Variants in ERBB4 observed in about 807,000 individuals in gnomAD.
The protein encoded by ERBB4 is erb-b2 receptor tyrosine kinase 4.
ERBB4 carries 42 observed loss-of-function variants against 158.0 expected under a neutral mutation model. That is an observed-to-expected ratio of 0.27 (90% CI 0.21 to 0.34). The LOEUF (loss-of-function observed/expected upper bound fraction) is 0.34, where lower values mean the gene tolerates loss of function less well. Among genes scored for constraint, ERBB4 ranks in the 10% least tolerant of loss-of-function variants. ERBB4 has a pLI of 1.00. For missense variants in ERBB4, 1,333 were observed against 1,624.1 expected, an observed-to-expected ratio of 0.82 and a Z score of 3.08; for synonymous variants, 583 against 558.7, an observed-to-expected ratio of 1.04 and a Z score of -0.61.
At chr2:211,731,909 A>AG in intron 5 of ERBB4, among the ~76,000 whole-genome samples, 1 of 152,328 alleles carries the variant, frequency 6.6e-6, no homozygotes, top group South Asian at 2.1e-4. Context: ...GTCCAGGGCC[A>AG]GGTAGAAACT....
chr2:212,123,809 C>A (rs1221642830), intron 2 of ERBB4, among the ~76,000 whole-genome samples: 1 of 152,124 alleles, frequency 6.6e-6, no homozygotes, highest in East Asian at 1.9e-4. Context: ...TCATAGATCT[C>A]TAAATAATTT....
chr2:211,904,725 C>A (rs1240862218), intron 3 of ERBB4, among the ~76,000 whole-genome samples: 1 of 152,000 alleles, frequency 6.6e-6, no homozygotes, highest in Non-Finnish European at 1.5e-5. Flanking sequence ...GCATACTTGT[C>A]TACTAATTTT....
At chr2:211,823,418 G>T (rs903515355) in intron 3 of ERBB4, among the ~76,000 whole-genome samples, 6 of 151,546 alleles carry the variant, frequency 4.0e-5, no homozygotes, top group African/African-American at 9.7e-5. Flanking sequence ...CTTAGAGACA[G>T]AATTTTTTAA....
In ERBB4 at chr2:211,665,452, G is replaced by C. The variant is rs2071593112; in HGVS notation, c.1742C>G (p.Ser581Cys). The C allele has an allele frequency of 2.5e-6, 4 of 1,613,798 alleles. No homozygotes were observed. Among genetic ancestry groups the C allele is most frequent in the Non-Finnish European group, 3.4e-6 (4 of 1,179,940 alleles). Reference sequence around the variant, plus strand: ...ACAGTTTGGGCCATCTTTAAAATGAGAGCACTTTGTACAGTTGTCAGGACC... The same window carrying C: ...ACAGTTTGGGCCATCTTTAAAATGACAGCACTTTGTACAGTTGTCAGGACC... ...GPGPDNCTKC[S>C]HFKDGPNCVE... is the part of the protein sequence containing the mutation. The change falls in exon 15 of 28, where the codon TCT (serine) becomes TGT (cysteine). Residue 581 changes from serine (S) to cysteine (C), a missense_variant. By Grantham distance (112) the Ser-to-Cys change is moderately radical (BLOSUM62 -1). Coordinates refer to ENST00000342788, the MANE Select transcript of ERBB4 (RefSeq NM_005235.3).
intron 20 of ERBB4, among the ~76,000 whole-genome samples, chr2:211,452,816 T>G: frequency 6.6e-6 from 1 of 152,198 alleles, no homozygotes; most frequent in East Asian, 1.9e-4. Context: ...ATCAGTGTCA[T>G]GTTAAATAAT....
intron 20 of ERBB4, among the ~76,000 whole-genome samples, chr2:211,496,229 T>TAC (rs928210709): frequency 6.6e-6 from 1 of 152,058 alleles, no homozygotes; most frequent in African/African-American, 2.4e-5. Flanking sequence ...TGTCACTATA[T>TAC]ACTGTTTCTA....
intron 1 of ERBB4, among the ~76,000 whole-genome samples, chr2:212,266,401 T>C (rs574648892): frequency 6.6e-6 from 1 of 152,002 alleles, no homozygotes; most frequent in Non-Finnish European, 1.5e-5. Context: ...CAAGGACTGT[T>C]GTTACAAAAG....
At chr2:212,390,700 C>A (rs1056494596) in intron 1 of ERBB4, among the ~76,000 whole-genome samples, 1 of 151,756 alleles carries the variant, frequency 6.6e-6, no homozygotes, top group Admixed American at 6.6e-5. Context: ...CTCCAGGACA[C>A]TCCTCAAAAG....
At chr2:212,081,164 T>G (rs1285741417) in intron 2 of ERBB4, among the ~76,000 whole-genome samples, 2 of 152,138 alleles carry the variant, frequency 1.3e-5, no homozygotes, top group African/African-American at 2.4e-5. Flanking sequence ...GCAAAGGCAT[T>G]TTCTATAAAT....
intron 19 of ERBB4, among the ~76,000 whole-genome samples, chr2:211,585,881 C>T (rs1052924212): frequency 1.3e-5 from 2 of 152,102 alleles, no homozygotes; most frequent in African/African-American, 4.8e-5. Context: ...GCTTCTGTTT[C>T]ATGAAAAGTA....
At chr2:212,384,916 TATATAC>T (rs1168111969) in intron 1 of ERBB4, among the ~76,000 whole-genome samples, 190 of 135,548 alleles carry the variant, frequency 1.4e-3, no homozygotes, top group Middle Eastern at 3.6e-3. Context: ...TATATATATA[TATATAC>T]ACACACACAC....
intron 15 of ERBB4, chr2:211,658,066 A>G: frequency 1.9e-6 from 2 of 1,075,546 alleles, no homozygotes; most frequent in South Asian, 2.6e-5. Context: ...TAAAATAAAT[A>G]TTGATTGTCT....
At chr2:212,247,302 C>T (rs1428813518) in intron 1 of ERBB4, among the ~76,000 whole-genome samples, 4 of 152,062 alleles carry the variant, frequency 2.6e-5, no homozygotes, top group African/African-American at 9.7e-5. Flanking sequence ...TTTAGAATTG[C>T]ACCTTTATGC....
chr2:211,642,850 T>C (rs1026841758), intron 16 of ERBB4, among the ~76,000 whole-genome samples: 12 of 152,158 alleles, frequency 7.9e-5, no homozygotes, highest in African/African-American at 2.9e-4. Flanking sequence ...AAAAGCATAA[T>C]TCTAAAATAT....
At chr2:212,307,586 A>G (rs2106226420) in intron 1 of ERBB4, among the ~76,000 whole-genome samples, 1 of 151,082 alleles carries the variant, frequency 6.6e-6, no homozygotes, top group Admixed American at 6.6e-5. Flanking sequence ...AAGGTTTTCG[A>G]TTTCTAATCA....
At chr2:211,425,747 T>A (rs1350275783) in intron 22 of ERBB4, among the ~76,000 whole-genome samples, 1 of 152,146 alleles carries the variant, frequency 6.6e-6, no homozygotes, top group East Asian at 1.9e-4. Flanking sequence ...AGAGGCATGA[T>A]CACAGCTCAC....
intron 1 of ERBB4, among the ~76,000 whole-genome samples, chr2:212,498,128 G>A (rs187586577): frequency 1.1e-4 from 17 of 152,156 alleles, no homozygotes; most frequent in African/African-American, 4.1e-4. Flanking sequence ...GTGTGTGTGT[G>A]TGTGTGTATG....
intron 1 of ERBB4, among the ~76,000 whole-genome samples, chr2:212,495,608 C>T (rs1419631286): frequency 2.0e-5 from 3 of 152,106 alleles, no homozygotes; most frequent in Non-Finnish European, 2.9e-5. Flanking sequence ...ATGTACCTGG[C>T]GAGGCACGTG....
At chr2:212,204,912 G>A (rs978381664) in intron 1 of ERBB4, among the ~76,000 whole-genome samples, 3 of 146,002 alleles carry the variant, frequency 2.1e-5, no homozygotes, top group Non-Finnish European at 1.5e-5. Context: ...TCTGCCTCCC[G>A]GGTTCAAACG....
Sources: allele counts gnomAD v4.1 joint callset (sites outside exome capture counted in the v4.1 genomes callset), GRCh38; gene constraint gnomAD v4.1.1; transcripts MANE v1.5; gene names NCBI Gene and HGNC (gene_info 2026-07-23, HGNC 2026-07-21).